Variants in DNAH11 observed in about 807,000 individuals in gnomAD.
DNAH11 encodes dynein axonemal heavy chain 11, also known as axonemal beta dynein heavy chain 11.
Under a neutral mutation model 526.0 loss-of-function variants are expected in DNAH11, and 442 were observed. That is an observed-to-expected ratio of 0.84 (90% CI 0.78 to 0.91). DNAH11 has a LOEUF of 0.91. DNAH11 is among the 40% of genes least tolerant of loss of function. The probability of loss-of-function intolerance (pLI) is 0.00; values close to 1 mark genes in which losing one functional copy is unlikely to be tolerated. For synonymous variants in DNAH11, 2,461 were observed against 1,935.9 expected (o/e 1.27, Z -7.12); for missense variants, 6,989 against 5,448.7 (o/e 1.28, Z -8.90).
intron 49 of DNAH11, among the ~76,000 whole-genome samples, chr7:21,744,129 G>C (rs113736667): frequency 6.6e-6 from 1 of 152,270 alleles, no homozygotes; most frequent in African/African-American, 2.4e-5. Flanking sequence ...TTGTACTCTG[G>C]TTTTGTAAAC....
intron 2 of DNAH11, among the ~76,000 whole-genome samples, chr7:21,548,402 T>A (rs528898570): frequency 7.9e-5 from 12 of 152,350 alleles, no homozygotes; most frequent in Middle Eastern, 3.4e-3. Context: ...TATTAATAGT[T>A]GACCACCAAA....
intron 76 of DNAH11, among the ~76,000 whole-genome samples, chr7:21,890,320 C>T (rs1784287102): frequency 6.6e-6 from 1 of 152,206 alleles, no homozygotes; most frequent in South Asian, 2.1e-4. Context: ...GCACTTGTCA[C>T]ATGTCTATAA....
rs553648419 is a variant in DNAH11, at chr7:21,709,761, A to G, written c.6684-792A>G. Among the ~76,000 whole-genome samples, 10 of 152,252 alleles carry G rather than the reference A, an allele frequency of 6.6e-5. No homozygotes were observed. The East Asian group carries it at 1.9e-3, about 29-fold the overall frequency. Reference sequence around the variant, plus strand: ...ATCTGTTTAGGCTGAAAAACTGTGGAAACTGTTCAAATCAGTGACTATTAG... The same window carrying G: ...ATCTGTTTAGGCTGAAAAACTGTGGGAACTGTTCAAATCAGTGACTATTAG... On this transcript the variant is annotated intron_variant, in intron 40 of 81. Transcript: ENST00000409508.
rs374144841 is a variant in DNAH11, at chr7:21,570,282, C to T, written c.1408C>T (p.Arg470Cys). Residue 470 changes from arginine to cysteine, a missense_variant, in exon 7 of 82, where the codon CGT (arginine) becomes TGT (cysteine). Arg to Cys is a radical substitution (Grantham distance 180). Coordinates refer to ENST00000409508, the MANE Select transcript of DNAH11 (RefSeq NM_001277115.2). ...VFCRFDKFLD[R>C]LIKIEDIFAT... ...TTGCAGATTTGACAAGTTTCTTGATCGTTTAATAAAAATAGAGGTATTCAT... is the reference window on the plus strand; with the variant it reads ...TTGCAGATTTGACAAGTTTCTTGATTGTTTAATAAAAATAGAGGTATTCAT... The T allele has an allele frequency of 6.9e-6, 11 of 1,603,934 alleles. No individual in the cohort carries two copies. Among genetic ancestry groups the T allele is most frequent in the Non-Finnish European group, 7.6e-6 (9 of 1,176,852 alleles).
rs374406494 is a variant in DNAH11, at chr7:21,588,592, A to G, written c.1929A>G (p.Gln643=). ...GNMKWAQQVL[Q]RLQMFWSNFA... ...TGAAATGGGCCCAGCAGGTTCTCCA[A>G]CGACTTCAAATGTTTTGGTCAAACT... Residue 643 remains glutamine (Q), a synonymous_variant, in exon 11 of 82, where the codon CAA becomes CAG. Coordinates refer to ENST00000409508, the MANE Select transcript of DNAH11 (RefSeq NM_001277115.2). 2.0e-5 allele frequency: 33 copies of G among 1,613,760 alleles called. 1 individual carries two copies. The South Asian group carries it at 2.2e-4, about 11-fold the overall frequency.
intron 66 of DNAH11, among the ~76,000 whole-genome samples, chr7:21,848,798 CA>C (rs1344699590): frequency 6.6e-6 from 1 of 152,032 alleles, no homozygotes; most frequent in Non-Finnish European, 1.5e-5. Flanking sequence ...TATGTAAGTA[CA>C]ATATAAATTG....
At chr7:21,590,776 A>G in intron 12 of DNAH11, 142 bp from the exon 13 acceptor site, 1 of 500,544 alleles carries the variant, frequency 2.0e-6, no homozygotes, top group East Asian at 3.7e-5. Context: ...TTTAAAAAGT[A>G]TATGAAACAA....
intron 37 of DNAH11, among the ~76,000 whole-genome samples, chr7:21,703,132 A>T (rs1784131533): frequency 1.3e-5 from 2 of 152,164 alleles, no homozygotes; most frequent in South Asian, 2.1e-4. Context: ...TTGAATTGGG[A>T]TATTAATCCT....
In DNAH11 at chr7:21,622,822, A is replaced by G. The variant is rs1173214081; in HGVS notation, c.4500+2744A>G. Among the ~76,000 whole-genome samples the G allele has an allele frequency of 2.6e-5, 4 of 152,308 alleles. No individual in the cohort carries two copies. The East Asian group carries it at 5.8e-4, about 22-fold the overall frequency. ...CACCTTATACAAAAATTAATTCACG[A>G]TGGATTAAAGACTTAAACGTTAGAT... is the stretch of plus-strand genomic sequence containing the variant. On this transcript the variant is annotated intron_variant, in intron 25 of 81. Transcript: ENST00000409508.
intron 54 of DNAH11, 93 bp from the exon 55 acceptor site, chr7:21,765,335 C>G: frequency 1.3e-6 from 2 of 1,566,870 alleles, no homozygotes; most frequent in Non-Finnish European, 1.7e-6. Context: ...TCACAGTTGG[C>G]TGCACTCCTT....
chr7:21,881,018 G>A (rs183214839), intron 75 of DNAH11, 125 bp downstream of exon 75: 105 of 860,098 alleles, frequency 1.2e-4, no homozygotes, highest in Admixed American at 2.5e-4. Context: ...CACTATGTAT[G>A]TATCTTCTGC....
At position 21,739,108 on chromosome 7, in the gene DNAH11, C is replaced by G. The variant is rs182410881; in HGVS notation, c.7811+242C>G. Among the ~76,000 whole-genome samples, 8 of 152,174 alleles carry G rather than the reference C, an allele frequency of 5.3e-5. 1 individual carries two copies. The highest frequency in any genetic ancestry group is 1.0e-4 in the Non-Finnish European group (7 of 68,016). Reference sequence around the variant, plus strand: ...TTTGGAAGATTGGATTGAAAAGTGTCTCAGAAATGTTAAGACTGTCCGGAA... The same window carrying G: ...TTTGGAAGATTGGATTGAAAAGTGTGTCAGAAATGTTAAGACTGTCCGGAA... On this transcript the variant is annotated intron_variant, in intron 47 of 81. Coordinates refer to ENST00000409508, the MANE Select transcript of DNAH11 (RefSeq NM_001277115.2).
chr7:21,766,222 AAAC>A (rs1322693032), intron 55 of DNAH11, among the ~76,000 whole-genome samples: 2 of 152,246 alleles, frequency 1.3e-5, no homozygotes, highest in African/African-American at 4.8e-5. Flanking sequence ...GTACAAAACA[AAAC>A]AACAAAAGCT....
intron 70 of DNAH11, 150 bp from the exon 71 acceptor site, chr7:21,866,320 C>CAAAA (rs35623271): frequency 5.7e-4 from 259 of 455,710 alleles, no homozygotes; most frequent in South Asian, 9.8e-4. Flanking sequence ...CTCAGCAGAG[C>CAAAA]AAAAAAAAAA....
chr7:21,718,265 C>T (rs769152899), intron 43 of DNAH11, among the ~76,000 whole-genome samples: 14 of 152,098 alleles, frequency 9.2e-5, no homozygotes, highest in Non-Finnish European at 1.6e-4. Flanking sequence ...CACTGTGTTC[C>T]TTTCCAGTGT....
Position 21,702,719 on chromosome 7 carries a change from G to T in DNAH11, c.6190G>T (p.Asp2064Tyr). 1 of 1,613,330 alleles carries T rather than the reference G, an allele frequency of 6.2e-7. No individual in the cohort carries two copies. The highest frequency in any genetic ancestry group is 8.5e-7 in the Non-Finnish European group (1 of 1,179,602). Residue 2064 changes from aspartate (D) to tyrosine (Y), a missense_variant, in exon 37 of 82, where the codon GAC (aspartate) becomes TAC (tyrosine). By Grantham distance (160) the Asp-to-Tyr change is radical (BLOSUM62 -3). Transcript: ENST00000409508. ...KELLSKQDHY[D>Y]WGLRAIKSVL... is the part of the protein sequence containing the mutation. ...CCTGTTTTGATTTTAGGATCATTAC[G>T]ACTGGGGACTTCGTGCTATTAAGTC...
intron 65 of DNAH11, among the ~76,000 whole-genome samples, chr7:21,819,704 G>C (rs1265203359): frequency 3.3e-5 from 5 of 152,144 alleles, no homozygotes; most frequent in Non-Finnish European, 7.4e-5. Flanking sequence ...TGGATAATCA[G>C]AAATTTCCAA....
intron 54 of DNAH11, among the ~76,000 whole-genome samples, chr7:21,755,761 T>G (rs1355847841): frequency 2.0e-5 from 3 of 152,162 alleles, no homozygotes; most frequent in Admixed American, 2.0e-4. Flanking sequence ...TCTTTCTGAT[T>G]AGAAGGCTCC....
Position 21,589,380 on chromosome 7 carries a change from C to T in DNAH11, c.2146C>T (p.Leu716Phe). Reference sequence around the variant, plus strand: ...TAAATTCAGTGCCATAAATGGTCTTCTCTGTGTCAATTTTGACCCAAAGGT... The same window carrying T: ...TAAATTCAGTGCCATAAATGGTCTTTTCTGTGTCAATTTTGACCCAAAGGT... ...LVKFSAINGLLCVNFDPKLVA... is the reference protein window; with the variant it reads ...LVKFSAINGLFCVNFDPKLVA... The change falls in exon 12 of 82, where the codon CTC (leucine) becomes TTC (phenylalanine). Residue 716 changes from leucine to phenylalanine, a missense_variant. Physicochemically the swap from Leu to Phe is conservative, Grantham distance 22. Coordinates refer to ENST00000409508, the MANE Select transcript of DNAH11 (RefSeq NM_001277115.2). The T allele has an allele frequency of 6.2e-7, 1 of 1,604,000 alleles. No homozygotes were observed.
Sources: gnomAD v4.1 joint callset for allele counts (sites outside exome capture counted in the v4.1 genomes callset) on GRCh38, gnomAD v4.1.1 for gene constraint, MANE v1.5 for transcripts, NCBI Gene and HGNC (gene_info 2026-07-23, HGNC 2026-07-21) for gene names.